The following SLC8A1 variants were observed in gnomAD, a reference collection of about 807,000 sequenced individuals.
SLC8A1 encodes sodium/calcium exchanger 1.
In SLC8A1, 18 loss-of-function variants were observed where a neutral mutation model predicts 68.3. The ratio of observed to expected loss-of-function variants is 0.26; its 90% CI spans 0.18 to 0.39. The LOEUF is 0.39. Ranked by LOEUF, SLC8A1 falls within the 10% of genes least tolerant of loss-of-function variation. The pLI is 1.00. For synonymous variants in SLC8A1, 475 were observed against 415.5 expected (o/e 1.14, Z -1.74); for missense variants, 985 against 1,156.7 (o/e 0.85, Z 2.15).
At chr2:40,417,016 G>T (rs138656248) in intron 2 of SLC8A1, among the ~76,000 whole-genome samples, 2,140 of 152,190 alleles carry the variant, frequency 0.014, 30 homozygotes, top group Middle Eastern at 0.034. Flanking sequence ...TCTCTCAGGA[G>T]GCAAAGTACA....
intron 7 of SLC8A1, among the ~76,000 whole-genome samples, chr2:40,124,895 A>C (rs1272060939): frequency 6.6e-6 from 1 of 152,210 alleles, no homozygotes; most frequent in Non-Finnish European, 1.5e-5. Context: ...GTCCATAAAA[A>C]AGTATGGGTA....
At chr2:40,111,053 G>T (rs923733863) in exon 8 of SLC8A1, 4 of 152,144 alleles carry the variant, frequency 2.6e-5, no homozygotes, top group African/African-American at 9.7e-5. Flanking sequence ...CAGGGGAAAG[G>T]CATGCATCAG....
At chr2:40,305,704 T>C (rs2072447081) in intron 2 of SLC8A1, among the ~76,000 whole-genome samples, 1 of 152,192 alleles carries the variant, frequency 6.6e-6, no homozygotes. Flanking sequence ...TTCCAAAGAT[T>C]AGCATCTACT....
intron 6 of SLC8A1, among the ~76,000 whole-genome samples, chr2:40,148,116 T>C (rs1281936204): frequency 6.6e-6 from 1 of 152,220 alleles, no homozygotes; most frequent in African/African-American, 2.4e-5. Context: ...TTATGAAAAG[T>C]GTAATTGGGA....
intron 1 of SLC8A1, among the ~76,000 whole-genome samples, chr2:40,485,679 T>A (rs544548241): frequency 6.6e-6 from 1 of 152,230 alleles, no homozygotes; most frequent in Non-Finnish European, 1.5e-5. Flanking sequence ...AAATATTTTA[T>A]TCATTGATAA....
At chr2:40,137,431 C>A (rs949821120) in intron 7 of SLC8A1, among the ~76,000 whole-genome samples, 3 of 152,136 alleles carry the variant, frequency 2.0e-5, no homozygotes, top group Admixed American at 2.0e-4. Flanking sequence ...ATTATTTGCA[C>A]ATATTCTCCT....
chr2:40,421,007 C>T (rs898182601), intron 2 of SLC8A1, among the ~76,000 whole-genome samples: 1 of 152,058 alleles, frequency 6.6e-6, no homozygotes, highest in African/African-American at 2.4e-5. Flanking sequence ...TTAAGTCATA[C>T]GGATACTTTA....
intron 2 of SLC8A1, among the ~76,000 whole-genome samples, chr2:40,269,507 G>A (rs568162773): frequency 6.6e-6 from 1 of 152,306 alleles, no homozygotes; most frequent in Non-Finnish European, 1.5e-5. Flanking sequence ...AAACTGATCA[G>A]AAAGATCCAT....
intron 7 of SLC8A1, among the ~76,000 whole-genome samples, chr2:40,134,958 G>A (rs1429143047): frequency 1.3e-5 from 2 of 152,224 alleles, no homozygotes; most frequent in African/African-American, 2.4e-5. Flanking sequence ...CTACTTCACA[G>A]TTGGTGATTA....
chr2:40,420,547 G>C (rs1189278430), intron 2 of SLC8A1, among the ~76,000 whole-genome samples: 1 of 152,128 alleles, frequency 6.6e-6, no homozygotes, highest in Non-Finnish European at 1.5e-5. Flanking sequence ...AGAGAAAAAA[G>C]CCAAAACCAA....
At chr2:40,294,833 C>G (rs992377849) in intron 2 of SLC8A1, among the ~76,000 whole-genome samples, 1 of 152,040 alleles carries the variant, frequency 6.6e-6, no homozygotes, top group Non-Finnish European at 1.5e-5. Flanking sequence ...TGTTTCCTAA[C>G]AATTAAAACA....
At chr2:40,115,304 C>T in exon 8 of SLC8A1, 1 of 1,614,014 alleles carries the variant, frequency 6.2e-7, no homozygotes, top group South Asian at 1.1e-5. Flanking sequence ...AGAAAATGTA[C>T]AAGAGCCATA....
intron 2 of SLC8A1, among the ~76,000 whole-genome samples, chr2:40,276,379 T>A (rs536316254): frequency 1.3e-5 from 2 of 152,308 alleles, no homozygotes; most frequent in Admixed American, 1.3e-4. Flanking sequence ...TTGTTAGCAT[T>A]CATATCTCAC....
At chr2:40,500,432 T>G (rs1280277666) in intron 1 of SLC8A1, among the ~76,000 whole-genome samples, 1 of 152,112 alleles carries the variant, frequency 6.6e-6, no homozygotes, top group Non-Finnish European at 1.5e-5. Context: ...GCCCCAATAA[T>G]TCCTCCAGAA....
chr2:40,292,210 T>C (rs1054822513), intron 2 of SLC8A1, among the ~76,000 whole-genome samples: 2 of 152,264 alleles, frequency 1.3e-5, no homozygotes, highest in African/African-American at 2.4e-5. Context: ...CATTAGGGCA[T>C]TGACAAAAGA....
chr2:40,363,606 T>C (rs1002285113), intron 2 of SLC8A1, among the ~76,000 whole-genome samples: 1 of 152,144 alleles, frequency 6.6e-6, no homozygotes, highest in Non-Finnish European at 1.5e-5. Flanking sequence ...ATGTCAGTTG[T>C]TCAGTAGTTA....
intron 2 of SLC8A1, chr2:40,220,139 C>T (rs184960436): frequency 2.4e-4 from 25 of 104,112 alleles, no homozygotes; most frequent in Non-Finnish European, 4.5e-4. Flanking sequence ...GTTGCTGAAA[C>T]AAAATAGGCT....
intron 6 of SLC8A1, among the ~76,000 whole-genome samples, chr2:40,150,575 A>G (rs1188435235): frequency 6.6e-6 from 1 of 152,232 alleles, no homozygotes; most frequent in African/African-American, 2.4e-5. Context: ...CAGTGATGGC[A>G]CATTGTTTGC....
At chr2:40,130,161 A>G (rs552163100) in intron 7 of SLC8A1, among the ~76,000 whole-genome samples, 68 of 152,360 alleles carry the variant, frequency 4.5e-4, no homozygotes, top group African/African-American at 1.6e-3. Context: ...AGAATAAAAG[A>G]TGCAAAGAGC....
Sources: allele counts gnomAD v4.1 joint callset (sites outside exome capture counted in the v4.1 genomes callset), GRCh38; gene constraint gnomAD v4.1.1; transcripts MANE v1.5; gene names NCBI Gene and HGNC (gene_info 2026-07-23, HGNC 2026-07-21).